Variants in FLNB observed in about 807,000 individuals in gnomAD.
FLNB encodes the protein filamin B.
A neutral mutation model predicts 250.6 loss-of-function variants in FLNB; 111 were observed. That is an observed-to-expected ratio of 0.44 (90% CI 0.38 to 0.52). The LOEUF is 0.52. Ranked by LOEUF, FLNB falls within the 20% of genes least tolerant of loss-of-function variation. The pLI, the probability that FLNB is intolerant of heterozygous loss-of-function variation, is 0.00. For synonymous variants in FLNB, 1,302 were observed against 1,372.1 expected (o/e 0.95, Z 1.13); for missense variants, 2,869 against 3,447.8 (o/e 0.83, Z 4.20).
At chr3:58,148,523 G>A (rs1236733740) in intron 35 of FLNB, 126 bp from the exon 36 acceptor site, 1 of 1,211,646 alleles carries the variant, frequency 8.3e-7, no homozygotes, top group African/African-American at 1.5e-5. Context: ...TTTGTGCATT[G>A]TGATATCGAC....
intron 38 of FLNB, chr3:58,152,772 C>T: frequency 7.5e-7 from 1 of 1,336,202 alleles, no homozygotes; most frequent in Non-Finnish European, 9.9e-7. Context: ...TTCATACTGG[C>T]TCTAGGTGAT....
chr3:58,140,285 T>C (rs1176447837), intron 29 of FLNB, among the ~76,000 whole-genome samples: 3 of 152,200 alleles, frequency 2.0e-5, no homozygotes, highest in Non-Finnish European at 2.9e-5. Context: ...CATGGAGTCA[T>C]GGACAAACAG....
Position 58,125,974 on chromosome 3 carries a change from A to G in FLNB, c.4061+231A>G, listed in dbSNP as rs780762416. On this transcript the variant is annotated intron_variant, in intron 23 of 45. Transcript: ENST00000295956. Reference sequence around the variant, plus strand: ...GCAAACCAGGAGTCAATCAAGCTCTATAACTTGATAATGTAAAAATTTGTA... The same window carrying G: ...GCAAACCAGGAGTCAATCAAGCTCTGTAACTTGATAATGTAAAAATTTGTA... 2.6e-5 allele frequency among the ~76,000 whole-genome samples: 4 copies of G among 152,260 alleles called. No homozygotes were observed. The East Asian group carries it at 5.8e-4, about 22-fold the overall frequency.
chr3:58,080,575 A>ACCTCCGCCTCCTAGGTACAAGCGATTCTC (rs2097207734), intron 3 of FLNB, among the ~76,000 whole-genome samples: 1 of 150,002 alleles, frequency 6.7e-6, no homozygotes, highest in African/African-American at 2.5e-5. Flanking sequence ...GCTCACTGCA[A>ACCTCCGCCTCCTAGGTACAAGCGATTCTC]CCTCCGCCTC....
intron 32 of FLNB, among the ~76,000 whole-genome samples, chr3:58,143,962 T>C (rs2097331532): frequency 6.6e-6 from 1 of 152,046 alleles, no homozygotes; most frequent in South Asian, 2.1e-4. Context: ...GGCTGGAGGC[T>C]TGGGGCCAGG....
intron 1 of FLNB, among the ~76,000 whole-genome samples, chr3:58,013,323 G>C (rs2097101564): frequency 1.3e-5 from 2 of 152,222 alleles, no homozygotes; most frequent in Non-Finnish European, 2.9e-5. Flanking sequence ...GCCAGCGCCA[G>C]AGCAGGCAGG....
chr3:58,149,954 C>A lies in FLNB; in HGVS notation c.6196C>A (p.Pro2066Thr), dbSNP rs1401616477. Reference protein sequence around the residue: ...TCKVSYFPTVPGVYIVSTKFA... With the variant: ...TCKVSYFPTVTGVYIVSTKFA... Reference sequence around the variant, plus strand: ...CAAAGTCTCCTACTTCCCTACCGTGCCTGGGGTTTATATCGTCTCCACCAA... The same window carrying A: ...CAAAGTCTCCTACTTCCCTACCGTGACTGGGGTTTATATCGTCTCCACCAA... The change falls in exon 37 of 46, where the codon CCT becomes ACT. Residue 2066 changes from proline (P) to threonine (T), a missense_variant. Pro to Thr is a conservative substitution (Grantham distance 38). This residue lies in a region of FLNB where 1,084 missense variants were observed against 1,315.5 expected (regional missense o/e 0.82). Transcript: ENST00000295956. 4 of 1,614,120 alleles carry A rather than the reference C, an allele frequency of 2.5e-6. No homozygotes were observed. Among genetic ancestry groups the A allele is most frequent in the Non-Finnish European group, 3.4e-6 (4 of 1,180,050 alleles).
At chr3:58,080,260 T>C (rs538261873) in intron 3 of FLNB, among the ~76,000 whole-genome samples, 33 of 152,324 alleles carry the variant, frequency 2.2e-4, no homozygotes, top group African/African-American at 7.9e-4. Context: ...CATCTGTTGT[T>C]CATTGCACAT....
At chr3:58,053,007 C>A (rs1308016431) in intron 1 of FLNB, among the ~76,000 whole-genome samples, 1 of 152,078 alleles carries the variant, frequency 6.6e-6, no homozygotes, top group East Asian at 1.9e-4. Flanking sequence ...TAGTGTGTAC[C>A]ATTCCTGCAA....
chr3:58,120,096 G>A (rs1226086363), intron 19 of FLNB, among the ~76,000 whole-genome samples: 1 of 152,214 alleles, frequency 6.6e-6, no homozygotes, highest in African/African-American at 2.4e-5. Flanking sequence ...TTTCTCCAGA[G>A]TACCACTAGC....
chr3:58,099,934 T>C (rs2097246758), intron 8 of FLNB, among the ~76,000 whole-genome samples: 1 of 152,216 alleles, frequency 6.6e-6, no homozygotes, highest in South Asian at 2.1e-4. Flanking sequence ...GAGCTGGTGG[T>C]GCCCTTCAGA....
rs780062399 is a variant in FLNB at position 58,124,524 on chromosome 3, G to A, written c.3898+19G>A. On this transcript the variant is annotated intron_variant, in intron 22 of 45. Coordinates refer to ENST00000295956, the MANE Select transcript of FLNB (RefSeq NM_001457.4). ...GAGAAAGGTGAGCCGCCCTGTCCTC[G>A]GACTGGACCCTCGTTCAGAGCTGCC... 2.5e-4 allele frequency: 407 copies of A among 1,613,668 alleles called. 4 individuals are homozygous for A. In the Admixed American group the frequency reaches 6.6e-3, roughly 26 times the overall value.
Position 58,111,982 on chromosome 3 carries a change from A to G in FLNB, c.2575+101A>G, listed in dbSNP as rs1330320865. The G allele has an allele frequency of 2.5e-6, 3 of 1,201,436 alleles. No homozygotes were observed. In the East Asian group the frequency reaches 7.0e-5, roughly 28 times the overall value. 74.4% of individuals were successfully genotyped at this position (1,201,436 alleles called of 1,614,324 possible). On this transcript the variant is annotated intron_variant, in intron 17 of 45. Transcript: ENST00000295956. ...GAGGAACTTCATCTCCACCAACACCAACACCAAGCTGGCAGGTTTTCTGTG... is the reference window on the plus strand; with the variant it reads ...GAGGAACTTCATCTCCACCAACACCGACACCAAGCTGGCAGGTTTTCTGTG...
At chr3:58,071,016 T>C (rs2097193642) in intron 1 of FLNB, among the ~76,000 whole-genome samples, 1 of 151,466 alleles carries the variant, frequency 6.6e-6, no homozygotes, top group Non-Finnish European at 1.5e-5. Flanking sequence ...GGCGTGATCA[T>C]GGTTCACTGC....
chr3:58,044,484 G>A (rs1028700743), intron 1 of FLNB, among the ~76,000 whole-genome samples: 6 of 151,984 alleles, frequency 3.9e-5, no homozygotes, highest in Admixed American at 3.9e-4. Context: ...AATTAGCCAG[G>A]CATGATGGCG....
rs190429416 is a variant in FLNB at position 58,071,948 on chromosome 3, A to C, written c.293-5098A>C. On this transcript the variant is annotated intron_variant, in intron 1 of 45. Coordinates refer to ENST00000295956, the MANE Select transcript of FLNB (RefSeq NM_001457.4). ...CCAAGATGCTTCTGAAGATTGCCTA[A>C]AAATAGCCGGTTTCCACCCCCGTGA... Among the ~76,000 whole-genome samples the C allele has an allele frequency of 2.0e-3, 309 of 152,276 alleles. 2 individuals carry two copies. The highest frequency in any genetic ancestry group is 7.2e-3 in the African/African-American group (298 of 41,546).
At chr3:58,036,458 C>T (rs776728241) in intron 1 of FLNB, among the ~76,000 whole-genome samples, 19 of 152,006 alleles carry the variant, frequency 1.2e-4, no homozygotes, top group East Asian at 1.9e-4. Context: ...GTCGAAGTGA[C>T]GTTTTCTTGC....
intron 4 of FLNB, among the ~76,000 whole-genome samples, chr3:58,085,139 A>T (rs1470826978): frequency 2.0e-5 from 3 of 152,232 alleles, no homozygotes; most frequent in African/African-American, 4.8e-5. Flanking sequence ...CTATGAAAAC[A>T]TGGGTGTACA....
At chr3:58,029,431 T>TGCTGGTA (rs988950939) in intron 1 of FLNB, among the ~76,000 whole-genome samples, 1 of 152,146 alleles carries the variant, frequency 6.6e-6, no homozygotes, top group African/African-American at 2.4e-5. Context: ...TTTTCTGTTC[T>TGCTGGTA]GCTGGTAGCT....
Sources: gnomAD v4.1 joint callset for allele counts (sites outside exome capture counted in the v4.1 genomes callset) on GRCh38, gnomAD v4.1.1 for gene constraint, gnomAD v4.1.1 regional missense constraint, MANE v1.5 for transcripts, NCBI Gene and HGNC (gene_info 2026-07-23, HGNC 2026-07-21) for gene names.